KIAA0513: variants seen among roughly 807,000 people sequenced by gnomAD.
KIAA0513 encodes uncharacterized protein KIAA0513.
Under a neutral mutation model 56.5 loss-of-function variants are expected in KIAA0513, and 39 were observed. The observed-to-expected ratio is 0.69, with a 90% CI of 0.53 to 0.90. The LOEUF is 0.90. Ranked by LOEUF, KIAA0513 falls within the 40% of genes least tolerant of loss-of-function variation. The pLI, the probability that KIAA0513 is intolerant of heterozygous loss-of-function variation, is 0.00. For missense variants in KIAA0513, 591 were observed against 535.2 expected, an observed-to-expected ratio of 1.10 and a Z score of -1.03; for synonymous variants, 268 against 215.6, an observed-to-expected ratio of 1.24 and a Z score of -2.13.
chr16:85,071,740 G>GC, intron 2 of KIAA0513, 43 bp from the exon 3 acceptor site: 1 of 1,396,884 alleles, frequency 7.2e-7, no homozygotes, highest in Admixed American at 2.1e-5. Flanking sequence ...GGATTGAAAA[G>GC]GGTTTTTTTT....
At chr16:85,085,974 C>G (rs766976264) in intron 10 of KIAA0513, among the ~76,000 whole-genome samples, 1 of 152,176 alleles carries the variant, frequency 6.6e-6, no homozygotes, top group Non-Finnish European at 1.5e-5. Flanking sequence ...GCGTGGGGGC[C>G]TGGTCTGTGT....
intron 1 of KIAA0513, among the ~76,000 whole-genome samples, chr16:85,036,200 A>G (rs1001281621): frequency 6.6e-6 from 1 of 152,104 alleles, no homozygotes; most frequent in African/African-American, 2.4e-5. Flanking sequence ...ATATCATAAC[A>G]TTTTTCCATT....
chr16:85,041,969 G>A (rs139360927), intron 1 of KIAA0513, among the ~76,000 whole-genome samples: 41 of 152,228 alleles, frequency 2.7e-4, no homozygotes, highest in Admixed American at 1.7e-3. Context: ...GTCCCTCCTT[G>A]TCTGTCTGCC....
intron 1 of KIAA0513, among the ~76,000 whole-genome samples, chr16:85,053,703 A>AT (rs778873414): frequency 5.9e-5 from 9 of 151,994 alleles, no homozygotes; most frequent in Non-Finnish European, 1.2e-4. Context: ...CTACAAAAAA[A>AT]TTTTTAAGGC....
chr16:85,058,654 C>CAAAA (rs58904956), intron 1 of KIAA0513, among the ~76,000 whole-genome samples: 1 of 122,792 alleles, frequency 8.1e-6, no homozygotes, highest in East Asian at 2.2e-4. Flanking sequence ...CTCCATCTCA[C>CAAAA]AAAAAAAAAA....
intron 8 of KIAA0513, among the ~76,000 whole-genome samples, chr16:85,080,966 G>A (rs1455325483): frequency 6.6e-6 from 1 of 152,186 alleles, no homozygotes; most frequent in Non-Finnish European, 1.5e-5. Flanking sequence ...GAGTCCCAAC[G>A]GGAAAGGCAG....
At position 85,091,938 on chromosome 16, in the gene KIAA0513, A is replaced by AC. The variant is rs1491199292; in HGVS notation, c.*3613_*3614insC. On this transcript the variant is annotated 3_prime_UTR_variant, in exon 13 of 13. Coordinates refer to ENST00000683363, the MANE Select transcript of KIAA0513 (RefSeq NM_001388359.1). ...TTCCTGGGTCCCACTATCTGTTGGC[A>AC]TTTTTTTTTTTTTTTTTTTTTTAGA... The AC allele has an allele frequency of 9.2e-4, 119 of 129,356 alleles. No individual in the cohort carries two copies. The highest frequency in any genetic ancestry group is 3.2e-3 in the African/African-American group (109 of 33,882). The allele number at this position is 129,356 out of a possible 1,614,324, so 8.0% of individuals were successfully genotyped here.
chr16:85,085,124 A>G (rs78774155), intron 10 of KIAA0513, among the ~76,000 whole-genome samples: 9,907 of 152,174 alleles, frequency 0.065, 483 homozygotes, highest in East Asian at 0.23. Flanking sequence ...CAGGCCTGCG[A>G]GGGGTGCGGG....
At chr16:85,064,514 A>G (rs899536602) in intron 1 of KIAA0513, among the ~76,000 whole-genome samples, 2 of 152,194 alleles carry the variant, frequency 1.3e-5, no homozygotes, top group African/African-American at 2.4e-5. Context: ...ATCTCTCCCT[A>G]TTCCAGCAGT....
chr16:85,078,889 C>T (rs1460936187), intron 7 of KIAA0513, 36 bp from the exon 8 acceptor site: 41 of 1,612,784 alleles, frequency 2.5e-5, no homozygotes, highest in Non-Finnish European at 3.4e-5. Flanking sequence ...GGTGCGCAAC[C>T]AGAGCTGCTT....
intron 1 of KIAA0513, among the ~76,000 whole-genome samples, chr16:85,057,412 T>C (rs2073344977): frequency 6.6e-6 from 1 of 152,200 alleles, no homozygotes; most frequent in South Asian, 2.1e-4. Flanking sequence ...TGTGGTGTGA[T>C]TGGGCCCCCA....
chr16:85,069,661 A>C (rs1257228651), intron 2 of KIAA0513, among the ~76,000 whole-genome samples: 2 of 151,914 alleles, frequency 1.3e-5, no homozygotes, highest in Non-Finnish European at 2.9e-5. Flanking sequence ...TCACAGCAGC[A>C]CACTAGATAA....
chr16:85,065,257 G>T (rs567420834), intron 1 of KIAA0513, among the ~76,000 whole-genome samples: 3 of 152,192 alleles, frequency 2.0e-5, no homozygotes, highest in East Asian at 3.9e-4. Context: ...CCTCGGCCAG[G>T]GGGGACCCAT....
chr16:85,054,437 T>TTG (rs1555521372), intron 1 of KIAA0513, among the ~76,000 whole-genome samples: 46 of 141,810 alleles, frequency 3.2e-4, no homozygotes, highest in East Asian at 6.0e-4. Context: ...TTTTTTTTTT[T>TTG]TTGTTGTTGT....
chr16:85,083,692 G>C (rs1370381399), intron 10 of KIAA0513, among the ~76,000 whole-genome samples: 2 of 152,194 alleles, frequency 1.3e-5, no homozygotes, highest in Non-Finnish European at 2.9e-5. Flanking sequence ...GATTCGCTTT[G>C]ACCACCCATA....
chr16:85,087,260 A>G, intron 12 of KIAA0513, 94 bp downstream of exon 12: 1 of 1,005,460 alleles, frequency 9.9e-7, no homozygotes, highest in Non-Finnish European at 1.6e-6. Context: ...GCCAGAAGGC[A>G]TGTCGTGTTG....
chr16:85,081,409 GC>G lies in KIAA0513; in HGVS notation c.980+21del. 2 of 1,551,424 alleles carry G rather than the reference GC, an allele frequency of 1.3e-6. No individual in the cohort carries two copies. Among genetic ancestry groups the G allele is most frequent in the Non-Finnish European group, 1.7e-6 (2 of 1,145,702 alleles). On this transcript the variant is annotated intron_variant, in intron 9 of 12. Coordinates refer to ENST00000683363, the MANE Select transcript of KIAA0513 (RefSeq NM_001388359.1). The surrounding 1 kb of genome is among the most constrained non-coding windows in gnomAD (Gnocchi z 4.4). ...CACTACCAGGTAGGAGCAAAGTGTGGCCCCATTTGGCCTCAGGAAAAAGGAC... is the reference window on the plus strand; with the variant it reads ...CACTACCAGGTAGGAGCAAAGTGTGGCCCATTTGGCCTCAGGAAAAAGGAC...
At chr16:85,032,519 C>T (rs758084026) in intron 1 of KIAA0513, among the ~76,000 whole-genome samples, 1 of 151,804 alleles carries the variant, frequency 6.6e-6, no homozygotes, top group African/African-American at 2.4e-5. Context: ...TTTTGGTAGA[C>T]ATGGGGTTTC....
intron 6 of KIAA0513, among the ~76,000 whole-genome samples, chr16:85,077,977 C>T (rs1487123574): frequency 1.3e-5 from 2 of 152,138 alleles, no homozygotes; most frequent in Admixed American, 6.5e-5. Flanking sequence ...GGTCTTGAGT[C>T]GCAGGAGAAA....
Sources: allele counts gnomAD v4.1 joint callset (sites outside exome capture counted in the v4.1 genomes callset), GRCh38; gene constraint gnomAD v4.1.1; non-coding constraint Gnocchi (gnomAD v3.1); transcripts MANE v1.5; gene names NCBI Gene and HGNC (gene_info 2026-07-23, HGNC 2026-07-21).